The following INHBB variants were observed in gnomAD, a reference collection of about 807,000 sequenced individuals.
INHBB encodes the protein inhibin subunit beta B.
INHBB carries 8 observed loss-of-function variants against 28.9 expected under a neutral mutation model. That is an observed-to-expected ratio of 0.28 (90% CI 0.16 to 0.50). INHBB has a LOEUF of 0.50. Ranked by LOEUF, INHBB falls within the 20% of genes least tolerant of loss-of-function variation. INHBB has a pLI of 0.98. For missense variants in INHBB, 499 were observed against 597.8 expected (o/e 0.83, Z 1.72); for synonymous variants, 293 against 262.7 (o/e 1.12, Z -1.12).
In INHBB at chr2:120,349,017, A is replaced by G; in HGVS notation, c.449-82A>G. ...GCTGTGTGGCGAGTTGCATTCCAGC[A>G]TCCTGCAGCAGAGAGTGTGTTTCCC... is the stretch of plus-strand genomic sequence containing the variant. On this transcript the variant is annotated intron_variant, in intron 1 of 1. Coordinates refer to ENST00000295228, the MANE Select transcript of INHBB (RefSeq NM_002193.4). This position sits in a 1 kb window ranked among gnomAD's most constrained non-coding sequence, Gnocchi z 5.6. 2 of 1,468,394 alleles carry G rather than the reference A, an allele frequency of 1.4e-6. No individual in the cohort carries two copies. Among genetic ancestry groups the G allele is most frequent in the Admixed American group, 2.2e-5 (1 of 45,786 alleles). The allele number at this position is 1,468,394 out of a possible 1,614,324, so 91.0% of individuals were successfully genotyped here.
rs747008552 is a variant in INHBB, at chr2:120,349,466, C to G, written c.816C>G (p.His272Gln). ...TCGTGGACCCAGGCGAAGAGTCGCA[C>G]CGGCCCTTTGTGGTGGTGCAGGCTC... ...PVFVDPGEES[H>Q]RPFVVVQARL... is the part of the protein sequence containing the mutation. The change falls in exon 2 of 2, where the codon CAC (histidine) becomes CAG (glutamine). Residue 272 changes from histidine to glutamine, a missense_variant. His to Gln is a conservative substitution (Grantham distance 24). Transcript: ENST00000295228. The surrounding 1 kb of genome is among the most constrained non-coding windows in gnomAD (Gnocchi z 5.6). 1.9e-6 allele frequency: 3 copies of G among 1,613,754 alleles called. No homozygotes were observed. Among genetic ancestry groups the G allele is most frequent in the Non-Finnish European group, 1.7e-6 (2 of 1,180,038 alleles).
chr2:120,348,940 A>T (rs151115495), intron 1 of INHBB, among the ~76,000 whole-genome samples, 159 bp from the exon 2 acceptor site: 33 of 152,272 alleles, frequency 2.2e-4, no homozygotes, highest in African/African-American at 7.2e-4. Context: ...CCCAGGTTAC[A>T]GTCAGAGGCC....
chr2:120,349,084 T>A lies in INHBB; in HGVS notation c.449-15T>A, dbSNP rs369238145. On this transcript the variant is annotated splice_polypyrimidine_tract_variant and intron_variant, in intron 1 of 1. Coordinates refer to ENST00000295228, the MANE Select transcript of INHBB (RefSeq NM_002193.4). The surrounding 1 kb of genome is among the most constrained non-coding windows in gnomAD (Gnocchi z 5.6). ...TCCTTGAATTAACTTGGCTCGCCCT[T>A]CCCCTTTTCCGCAGATGGCCTCGCC... is the stretch of plus-strand genomic sequence containing the variant. The A allele has an allele frequency of 1.6e-5, 25 of 1,584,962 alleles. No homozygotes were observed. Among genetic ancestry groups the A allele is most frequent in the Non-Finnish European group, 2.1e-5 (24 of 1,162,672 alleles).
Position 120,346,584 on chromosome 2 carries a change from G to C in INHBB, c.396G>C (p.Pro132=). 6.8e-7 allele frequency: 1 copy of C among 1,462,498 alleles called. No homozygotes were observed. Among genetic ancestry groups the C allele is most frequent in the Non-Finnish European group, 9.0e-7 (1 of 1,114,750 alleles). 90.6% of individuals were successfully genotyped at this position (1,462,498 alleles called of 1,614,324 possible). A position where few individuals can be genotyped will look rare whatever the true frequency, so the allele number is the denominator to read the frequency against. The part of the protein sequence containing the change: ...EIPHLDGHAS[P]GADGQERVSE... ...CGCACCTCGACGGCCACGCCAGCCC[G>C]GGCGCCGACGGCCAGGAGCGCGTTT... is the stretch of plus-strand genomic sequence containing the variant. Residue 132 remains proline, a synonymous_variant, in exon 1 of 2, where the codon CCG becomes CCC. Coordinates refer to ENST00000295228, the MANE Select transcript of INHBB (RefSeq NM_002193.4).
At position 120,346,494 on chromosome 2, in the gene INHBB, C is replaced by A; in HGVS notation, c.306C>A (p.Ala102=). The change falls in exon 1 of 2, where the codon GCC becomes GCA. Residue 102 remains alanine (A), a synonymous_variant. Transcript: ENST00000295228. ...TCACGCACGCCGTGCCTAAGGCCGC[C>A]ATGGTCACGGCCCTGCGCAAGCTGC... ...PNITHAVPKA[A]MVTALRKLHA... is the part of the protein sequence containing the mutation. The A allele has an allele frequency of 6.4e-7, 1 of 1,553,400 alleles. No individual in the cohort carries two copies. Among genetic ancestry groups the A allele is most frequent in the East Asian group, 2.5e-5 (1 of 39,944 alleles).
At position 120,347,662 on chromosome 2, in the gene INHBB, G is replaced by A. The variant is rs940939697; in HGVS notation, c.448+1026G>A. Among the ~76,000 whole-genome samples the A allele has an allele frequency of 6.6e-4, 100 of 152,216 alleles. 1 individual carries two copies. Among genetic ancestry groups the A allele is most frequent in the Non-Finnish European group, 1.3e-4 (9 of 68,042 alleles). ...CGGTGCAGTTAGGGCGGGGGCAAGC[G>A]GGGAGCCTCGGTGGGGGGAGCGGTT... On this transcript the variant is annotated intron_variant, in intron 1 of 1. Transcript: ENST00000295228.
In INHBB at chr2:120,349,453, G is replaced by A. The variant is rs752997062; in HGVS notation, c.803G>A (p.Gly268Asp). 232 of 1,613,600 alleles carry A rather than the reference G, an allele frequency of 1.4e-4. 1 individual carries two copies. Among genetic ancestry groups the A allele is most frequent in the Non-Finnish European group, 1.8e-4 (218 of 1,180,038 alleles). Residue 268 changes from glycine to aspartate, a missense_variant, in exon 2 of 2, where the codon GGC becomes GAC. By Grantham distance (94) the Gly-to-Asp change is moderately conservative. Coordinates refer to ENST00000295228, the MANE Select transcript of INHBB (RefSeq NM_002193.4). This position sits in a 1 kb window ranked among gnomAD's most constrained non-coding sequence, Gnocchi z 5.6. ...LAVVPVFVDP[G>D]EESHRPFVVV... The stretch of plus-strand genomic sequence containing the variant: ...GTGGTGCCGGTGTTCGTGGACCCAG[G>A]CGAAGAGTCGCACCGGCCCTTTGTG...
In INHBB at chr2:120,346,503, G is replaced by A. The variant is rs1389429843; in HGVS notation, c.315G>A (p.Thr105=). 2.6e-6 allele frequency: 4 copies of A among 1,540,176 alleles called. No homozygotes were observed. The highest frequency in any genetic ancestry group is 1.9e-5 in the Admixed American group (1 of 52,088). The part of the protein sequence containing the change: ...THAVPKAAMV[T]ALRKLHAGKV... ...CCGTGCCTAAGGCCGCCATGGTCAC[G>A]GCCCTGCGCAAGCTGCACGCGGGCA... Residue 105 remains threonine, a synonymous_variant, in exon 1 of 2, where the codon ACG becomes ACA. Transcript: ENST00000295228.
rs767587591 is a variant in INHBB at position 120,349,150 on chromosome 2, G to A, written c.500G>A (p.Gly167Asp). The change falls in exon 2 of 2, where the codon GGC becomes GAC. Residue 167 changes from glycine to aspartate, a missense_variant. Gly to Asp is a moderately conservative substitution (Grantham distance 94). Around this residue, in one of 2 missense-constraint regions of INHBB, gnomAD observed 385 missense variants for 415.2 expected, o/e 0.93. Transcript: ENST00000295228. This position sits in a 1 kb window ranked among gnomAD's most constrained non-coding sequence, Gnocchi z 5.6. The part of the protein sequence containing the change: ...VRLYFFISNE[G>D]NQNLFVVQAS... ...CTATACTTCTTCATCTCCAACGAAG[G>A]CAACCAGAACCTGTTTGTGGTCCAG... The A allele has an allele frequency of 3.1e-6, 5 of 1,613,248 alleles. No individual in the cohort carries two copies.
At chr2:120,348,694 C>T (rs1691204874) in intron 1 of INHBB, among the ~76,000 whole-genome samples, 1 of 150,714 alleles carries the variant, frequency 6.6e-6, no homozygotes, top group African/African-American at 2.4e-5. Flanking sequence ...ACTAAAACCA[C>T]CCACCCCAAA....
chr2:120,349,528 G>A lies in INHBB; in HGVS notation c.878G>A (p.Gly293Asp). 1 of 1,613,866 alleles carries A rather than the reference G, an allele frequency of 6.2e-7. No individual in the cohort carries two copies. The highest frequency in any genetic ancestry group is 8.5e-7 in the Non-Finnish European group (1 of 1,180,026). Reference protein sequence around the residue: ...GDSRHRIRKRGLECDGRTNLC... With the variant: ...GDSRHRIRKRDLECDGRTNLC... Reference sequence around the variant, plus strand: ...AGCAGGCACCGCATTCGCAAGCGAGGCCTGGAGTGCGATGGCCGGACCAAC... The same window carrying A: ...AGCAGGCACCGCATTCGCAAGCGAGACCTGGAGTGCGATGGCCGGACCAAC... Residue 293 changes from glycine (G) to aspartate (D), a missense_variant, in exon 2 of 2, where the codon GGC becomes GAC. Around this residue, in one of 2 missense-constraint regions of INHBB, gnomAD observed 114 missense variants for 182.6 expected, o/e 0.62. Coordinates refer to ENST00000295228, the MANE Select transcript of INHBB (RefSeq NM_002193.4). This position sits in a 1 kb window ranked among gnomAD's most constrained non-coding sequence, Gnocchi z 5.6.
intron 1 of INHBB, 74 bp downstream of exon 1, chr2:120,346,710 TGCCACCGCC>T (rs1691162578): frequency 4.5e-6 from 6 of 1,324,188 alleles, no homozygotes; most frequent in Admixed American, 8.1e-5. Flanking sequence ...TAGCTCCGGC[TGCCACCGCC>T]GCCACCGCAG....
chr2:120,346,205 G>C lies in INHBB; in HGVS notation c.17G>C (p.Gly6Ala), dbSNP rs1450415604. The C allele has an allele frequency of 5.8e-6, 7 of 1,200,734 alleles. No individual in the cohort carries two copies. Among genetic ancestry groups the C allele is most frequent in the Admixed American group, 4.5e-5 (1 of 22,460 alleles). 74.4% of individuals were successfully genotyped at this position (1,200,734 alleles called of 1,614,324 possible). A position where few individuals can be genotyped will look rare whatever the true frequency, so the allele number is the denominator to read the frequency against. The part of the protein sequence containing the change: MDGLP[G>A]RALGAACLLL... ...CGGCGCACCATGGACGGGCTGCCCGGTCGGGCGCTGGGGGCCGCCTGCCTT... is the reference window on the plus strand; with the variant it reads ...CGGCGCACCATGGACGGGCTGCCCGCTCGGGCGCTGGGGGCCGCCTGCCTT... The change falls in exon 1 of 2, where the codon GGT becomes GCT. Residue 6 changes from glycine (G) to alanine (A), a missense_variant. Around this residue, in one of 2 missense-constraint regions of INHBB, gnomAD observed 385 missense variants for 415.2 expected, o/e 0.93. Coordinates refer to ENST00000295228, the MANE Select transcript of INHBB (RefSeq NM_002193.4).
In INHBB at chr2:120,350,074, A is replaced by G; in HGVS notation, c.*200A>G. On this transcript the variant is annotated 3_prime_UTR_variant, in exon 2 of 2. Transcript: ENST00000295228. The stretch of plus-strand genomic sequence containing the variant: ...AGTCAAAACCAGAGCGAGAACCCTC[A>G]ACTGACATGAAATACTTTAAAATGC... The G allele has an allele frequency of 3.4e-6, 2 of 589,444 alleles. No homozygotes were observed. Among genetic ancestry groups the G allele is most frequent in the Non-Finnish European group, 3.0e-6 (1 of 338,126 alleles). The allele number at this position is 589,444 out of a possible 1,614,324, so 36.5% of individuals were successfully genotyped here. A position where few individuals can be genotyped will look rare whatever the true frequency, so the allele number is the denominator to read the frequency against.
rs916327988 is a variant in INHBB at position 120,351,111 on chromosome 2, C to G, written c.*1237C>G. 2.0e-5 allele frequency: 3 copies of G among 152,764 alleles called. No individual in the cohort carries two copies. Among genetic ancestry groups the G allele is most frequent in the Admixed American group, 6.5e-5 (1 of 15,290 alleles). The allele number at this position is 152,764 out of a possible 1,614,324, so 9.5% of individuals were successfully genotyped here. On this transcript the variant is annotated 3_prime_UTR_variant, in exon 2 of 2. Coordinates refer to ENST00000295228, the MANE Select transcript of INHBB (RefSeq NM_002193.4). ...TAGCACTTGCAGACCTGCCTGAACGCACATGACATAGCACTTGCCGATCTG... is the reference window on the plus strand; with the variant it reads ...TAGCACTTGCAGACCTGCCTGAACGGACATGACATAGCACTTGCCGATCTG...
chr2:120,348,728 G>T (rs1266432959), intron 1 of INHBB, among the ~76,000 whole-genome samples: 1 of 141,996 alleles, frequency 7.0e-6, no homozygotes, highest in African/African-American at 2.6e-5. Context: ...TCCTGGTTTT[G>T]TTTTTCAGAT....
At chr2:120,347,845 A>G (rs1201739131) in intron 1 of INHBB, among the ~76,000 whole-genome samples, 1 of 152,200 alleles carries the variant, frequency 6.6e-6, no homozygotes, top group Non-Finnish European at 1.5e-5. Context: ...TTAGCTGTCC[A>G]CTAAAGTGAG....
Position 120,349,655 on chromosome 2 carries a change from C to T in INHBB, c.1005C>T (p.Ser335=). 1 of 1,613,778 alleles carries T rather than the reference C, an allele frequency of 6.2e-7. No homozygotes were observed. The highest frequency in any genetic ancestry group is 8.5e-7 in the Non-Finnish European group (1 of 1,180,028). The change falls in exon 2 of 2, where the codon AGC becomes AGT. Residue 335 remains serine, a synonymous_variant. Transcript: ENST00000295228. This position sits in a 1 kb window ranked among gnomAD's most constrained non-coding sequence, Gnocchi z 5.6. Reference sequence around the variant, plus strand: ...ACTACGGGAACTACTGTGAGGGCAGCTGCCCAGCCTACCTGGCAGGGGTCC... The same window carrying T: ...ACTACGGGAACTACTGTGAGGGCAGTTGCCCAGCCTACCTGGCAGGGGTCC... The part of the protein sequence containing the change: ...TGYYGNYCEG[S]CPAYLAGVPG...
In INHBB at chr2:120,351,129, C is replaced by G. The variant is rs1691251030; in HGVS notation, c.*1255C>G. The G allele has an allele frequency of 1.3e-5, 2 of 152,734 alleles. No individual in the cohort carries two copies. The highest frequency in any genetic ancestry group is 1.5e-5 in the Non-Finnish European group (1 of 68,062). The allele number at this position is 152,734 out of a possible 1,614,324, so 9.5% of individuals were successfully genotyped here. A position where few individuals can be genotyped will look rare whatever the true frequency, so the allele number is the denominator to read the frequency against. On this transcript the variant is annotated 3_prime_UTR_variant, in exon 2 of 2. Transcript: ENST00000295228. ...CTGAACGCACATGACATAGCACTTG[C>G]CGATCTGCGTGTGTCCAGAAGTGGC... is the stretch of plus-strand genomic sequence containing the variant.
Sources: allele counts gnomAD v4.1 joint callset (sites outside exome capture counted in the v4.1 genomes callset), GRCh38; gene constraint gnomAD v4.1.1; regional missense constraint gnomAD v4.1.1; non-coding constraint Gnocchi (gnomAD v3.1); transcripts MANE v1.5; gene names NCBI Gene and HGNC (gene_info 2026-07-23, HGNC 2026-07-21).